Variants in SLC9D1 observed in about 807,000 individuals in gnomAD.
The protein encoded by SLC9D1 is putative LAG1-interacting protein.
chr13:113,538,354 G>A, the SLC9D1 span, among the ~76,000 whole-genome samples: 77 of 152,216 alleles, frequency 5.1e-4, 1 homozygote, highest in South Asian at 0.011. Context: ...ACCTGCCCTC[G>A]GCTGCACCGC....
At chr13:113,533,938 G>A in the SLC9D1 span, 1 of 800,566 alleles carries the variant, frequency 1.2e-6, no homozygotes, top group Non-Finnish European at 2.1e-6. Context: ...TATGATTCAG[G>A]TAATTTATTT....
chr13:113,534,109 G>A, the SLC9D1 span: 1 of 1,613,096 alleles, frequency 6.2e-7, no homozygotes, highest in Non-Finnish European at 8.5e-7. Context: ...ACTAGCGGCG[G>A]TTTTTCTTTT....
the SLC9D1 span, among the ~76,000 whole-genome samples, chr13:113,506,408 TGGG>T: frequency 1.5e-5 from 1 of 66,522 alleles, no homozygotes; most frequent in Non-Finnish European, 2.6e-5. Flanking sequence ...TAAGGGGGAG[TGGG>T]CCGCGTGGCT....
the SLC9D1 span, among the ~76,000 whole-genome samples, chr13:113,546,601 G>A: frequency 6.6e-6 from 1 of 152,164 alleles, no homozygotes; most frequent in Admixed American, 6.5e-5. The surrounding 1 kb of genome is among the most constrained non-coding windows in gnomAD (Gnocchi z 7.1). Flanking sequence ...CCTGCTCCGT[G>A]CACCTAACCC....
At chr13:113,522,651 T>G in the SLC9D1 span, among the ~76,000 whole-genome samples, 2 of 151,584 alleles carry the variant, frequency 1.3e-5, no homozygotes, top group East Asian at 3.9e-4. Context: ...TTGTTGTTTT[T>G]GAGATGGAGT....
chr13:113,501,543 A>G, the SLC9D1 span, among the ~76,000 whole-genome samples: 1 of 152,072 alleles, frequency 6.6e-6, no homozygotes, highest in Non-Finnish European at 1.5e-5. Flanking sequence ...GCCATGAAAA[A>G]CTAACTCCAT....
the SLC9D1 span, chr13:113,528,331 A>G: frequency 6.6e-6 from 1 of 152,154 alleles, no homozygotes; most frequent in Admixed American, 6.5e-5. Flanking sequence ...CTCCAGCCCC[A>G]CCCCGGCCCA....
At chr13:113,505,564 A>G in the SLC9D1 span, 1 of 152,208 alleles carries the variant, frequency 6.6e-6, no homozygotes, top group Non-Finnish European at 1.5e-5. Flanking sequence ...AAATGTGGGG[A>G]AAAAAGGAGC....
the SLC9D1 span, chr13:113,501,785 T>C: frequency 1.2e-6 from 2 of 1,610,220 alleles, no homozygotes; most frequent in South Asian, 2.2e-5. Flanking sequence ...GTCCTTGCCT[T>C]GTGGCTGGCT....
chr13:113,529,073 C>T, the SLC9D1 span: 96 of 152,352 alleles, frequency 6.3e-4, no homozygotes, highest in African/African-American at 2.2e-3. Context: ...CTCACTGCCA[C>T]GTTCTTTCCA....
the SLC9D1 span, among the ~76,000 whole-genome samples, chr13:113,492,194 T>C: frequency 1.3e-5 from 2 of 152,332 alleles, no homozygotes; most frequent in African/African-American, 4.8e-5. Flanking sequence ...CAGGATGATC[T>C]CCAACTCCTG....
chr13:113,519,044 C>CTTTT, the SLC9D1 span, among the ~76,000 whole-genome samples: 1 of 135,666 alleles, frequency 7.4e-6, no homozygotes, highest in Non-Finnish European at 1.6e-5. Flanking sequence ...ATAACAGTAG[C>CTTTT]TTTTTTTTTT....
the SLC9D1 span, chr13:113,510,224 G>GTGTTC: frequency 1.7e-5 from 28 of 1,611,492 alleles, no homozygotes; most frequent in Non-Finnish European, 2.0e-5. Context: ...GTGACTCACT[G>GTGTTC]TGTTCTCTTT....
At chr13:113,544,494 G>A in the SLC9D1 span, among the ~76,000 whole-genome samples, 1 of 152,250 alleles carries the variant, frequency 6.6e-6, no homozygotes, top group African/African-American at 2.4e-5. Context: ...ACCTGCCTTT[G>A]TAAATGCAGC....
chr13:113,544,448 G>A, the SLC9D1 span, among the ~76,000 whole-genome samples: 1 of 152,254 alleles, frequency 6.6e-6, no homozygotes, highest in African/African-American at 2.4e-5. Context: ...CCCACTAGAT[G>A]AGGGTTCGCC....
At chr13:113,503,441 A>G in the SLC9D1 span, 6 of 1,392,166 alleles carry the variant, frequency 4.3e-6, no homozygotes, top group African/African-American at 5.7e-5. Flanking sequence ...TGAGTTAAGT[A>G]TACTTAATAT....
At chr13:113,537,633 C>T in the SLC9D1 span, among the ~76,000 whole-genome samples, 1 of 152,224 alleles carries the variant, frequency 6.6e-6, no homozygotes, top group Non-Finnish European at 1.5e-5. Flanking sequence ...TTGTTTTCTT[C>T]GTGGCTATCT....
the SLC9D1 span, among the ~76,000 whole-genome samples, chr13:113,526,393 T>C: frequency 6.6e-6 from 1 of 152,168 alleles, no homozygotes; most frequent in Non-Finnish European, 1.5e-5. Flanking sequence ...AAGTTAAGGT[T>C]AATACTGAAG....
the SLC9D1 span, chr13:113,495,842 A>T: frequency 3.7e-6 from 6 of 1,614,230 alleles, no homozygotes; most frequent in Non-Finnish European, 5.1e-6. Context: ...TGTCGGATGA[A>T]GAGAAACTGT....
Sources: gnomAD v4.1 joint callset for allele counts (sites outside exome capture counted in the v4.1 genomes callset) on GRCh38, gnomAD v4.1.1 for gene constraint, Gnocchi (gnomAD v3.1) non-coding constraint, MANE v1.5 for transcripts, NCBI Gene and HGNC (gene_info 2026-07-23, HGNC 2026-07-21) for gene names.